Variants in RAB38 observed in about 807,000 individuals in gnomAD.
RAB38 encodes the protein RAB38, member RAS oncogene family.
Under a neutral mutation model 18.4 loss-of-function variants are expected in RAB38, and 15 were observed. That is an observed-to-expected ratio of 0.82 (90% confidence interval 0.55 to 1.26). RAB38 has a LOEUF of 1.26. Ranked by LOEUF, RAB38 falls within the 50% of genes most tolerant of loss-of-function variation. The pLI is 0.00. For synonymous variants in RAB38, 101 were observed against 104.4 expected (o/e 0.97, Z 0.20); for missense variants, 294 against 267.4 (o/e 1.10, Z -0.69).
the RAB38 span, among the ~76,000 whole-genome samples, chr11:87,964,866 A>C: frequency 6.6e-6 from 1 of 152,174 alleles, no homozygotes; most frequent in South Asian, 2.1e-4. Flanking sequence ...TCACTAAAAA[A>C]ATTTTCAGGA....
At chr11:88,010,863 C>G in the RAB38 span, among the ~76,000 whole-genome samples, 1 of 152,082 alleles carries the variant, frequency 6.6e-6, no homozygotes, top group African/African-American at 2.4e-5. Context: ...CATGCAAGCT[C>G]CCAACCTTCA....
the RAB38 span, among the ~76,000 whole-genome samples, chr11:87,948,932 T>C: frequency 6.6e-6 from 1 of 152,164 alleles, no homozygotes; most frequent in African/African-American, 2.4e-5. Context: ...TTCCCTCTTT[T>C]TCTATTGATT....
At chr11:88,137,013 C>T (rs1256301782) in intron 2 of RAB38, among the ~76,000 whole-genome samples, 1 of 152,266 alleles carries the variant, frequency 6.6e-6, no homozygotes, top group Non-Finnish European at 1.5e-5. Context: ...AAATAATCAA[C>T]TAAAGTCTGC....
chr11:87,859,450 G>T, the RAB38 span, among the ~76,000 whole-genome samples: 1 of 152,054 alleles, frequency 6.6e-6, no homozygotes, highest in African/African-American at 2.4e-5. Context: ...AAAAATAGGA[G>T]AAATGTATGC....
chr11:87,917,502 A>T, the RAB38 span, among the ~76,000 whole-genome samples: 7 of 148,946 alleles, frequency 4.7e-5, no homozygotes, highest in East Asian at 1.4e-3. Flanking sequence ...AGATCTATTG[A>T]ACTTATTTCA....
the RAB38 span, among the ~76,000 whole-genome samples, chr11:88,078,863 C>T: frequency 6.6e-6 from 1 of 151,184 alleles, no homozygotes; most frequent in Non-Finnish European, 1.5e-5. Context: ...TTTAAAATAG[C>T]CAGAAGGAAA....
intron 2 of RAB38, among the ~76,000 whole-genome samples, chr11:88,134,997 T>C (rs936257901): frequency 2.6e-5 from 4 of 152,230 alleles, no homozygotes; most frequent in Non-Finnish European, 1.5e-5. Context: ...TGTCAATTCC[T>C]GCCAGAGTGC....
chr11:88,040,905 A>T, the RAB38 span, among the ~76,000 whole-genome samples: 1 of 152,254 alleles, frequency 6.6e-6, no homozygotes, highest in South Asian at 2.1e-4. Flanking sequence ...AGCCCCTTAA[A>T]ATTATTTTAT....
chr11:88,082,986 T>G, the RAB38 span, among the ~76,000 whole-genome samples: 2 of 151,972 alleles, frequency 1.3e-5, no homozygotes, highest in African/African-American at 4.8e-5. Flanking sequence ...TTTCTACTCT[T>G]CCTCTAGTTT....
the RAB38 span, among the ~76,000 whole-genome samples, chr11:87,833,751 C>T: frequency 6.6e-6 from 1 of 152,286 alleles, no homozygotes; most frequent in South Asian, 2.1e-4. Flanking sequence ...TCATAGTCTA[C>T]CCTTCTAACT....
the RAB38 span, among the ~76,000 whole-genome samples, chr11:87,966,768 G>C: frequency 1.1e-4 from 16 of 152,260 alleles, no homozygotes; most frequent in African/African-American, 3.9e-4. Flanking sequence ...GCAACATTAA[G>C]TACATAATTT....
chr11:88,023,518 T>G, the RAB38 span, among the ~76,000 whole-genome samples: 1 of 152,000 alleles, frequency 6.6e-6, no homozygotes, highest in African/African-American at 2.4e-5. Flanking sequence ...AAGATACTAA[T>G]GACATTCATC....
chr11:87,903,657 T>C, the RAB38 span, among the ~76,000 whole-genome samples: 1 of 151,592 alleles, frequency 6.6e-6, no homozygotes, highest in African/African-American at 2.4e-5. Flanking sequence ...TAATTGTTTG[T>C]TAGCATTCTC....
chr11:87,920,209 T>A, the RAB38 span, among the ~76,000 whole-genome samples: 1 of 151,982 alleles, frequency 6.6e-6, no homozygotes, highest in African/African-American at 2.4e-5. Context: ...ATTCTTCTTT[T>A]TCTGTTTCTC....
At chr11:87,851,250 AACTT>A in the RAB38 span, among the ~76,000 whole-genome samples, 3 of 152,182 alleles carry the variant, frequency 2.0e-5, no homozygotes, top group East Asian at 5.8e-4. Context: ...TTCCCCAACT[AACTT>A]GTAGACCCCT....
At chr11:88,121,709 C>T (rs1029139874) in intron 2 of RAB38, among the ~76,000 whole-genome samples, 2 of 152,150 alleles carry the variant, frequency 1.3e-5, no homozygotes, top group African/African-American at 4.8e-5. Context: ...ACTACAGGCG[C>T]CCGCCGCCAC....
chr11:88,115,214 A>G (rs983470836), intron 2 of RAB38, among the ~76,000 whole-genome samples: 1 of 151,962 alleles, frequency 6.6e-6, no homozygotes, highest in African/African-American at 2.4e-5. Context: ...GTTTTTAATC[A>G]CAATTTGTAG....
At chr11:88,048,654 A>C in the RAB38 span, among the ~76,000 whole-genome samples, 1 of 152,090 alleles carries the variant, frequency 6.6e-6, no homozygotes, top group Non-Finnish European at 1.5e-5. Context: ...ACTGTGCCCC[A>C]AAAAACTTGT....
chr11:87,867,302 T>C, the RAB38 span, among the ~76,000 whole-genome samples: 1 of 151,796 alleles, frequency 6.6e-6, no homozygotes, highest in Non-Finnish European at 1.5e-5. Context: ...ACTAACATTT[T>C]GTCTCCACGA....
Sources: gnomAD v4.1 joint callset for allele counts (sites outside exome capture counted in the v4.1 genomes callset) on GRCh38, gnomAD v4.1.1 for gene constraint, MANE v1.5 for transcripts, NCBI Gene and HGNC (gene_info 2026-07-23, HGNC 2026-07-21) for gene names.